GLYATL2: variants seen among roughly 807,000 people sequenced by gnomAD.
GLYATL2 encodes the protein glycine-N-acyltransferase like 2, also known as glycine N-acyltransferase-like protein 2.
Under a neutral mutation model 21.4 loss-of-function variants are expected in GLYATL2, and 25 were observed. The ratio of observed to expected loss-of-function variants is 1.17; its 90% CI spans 0.85 to 1.63. The LOEUF is 1.63. GLYATL2 is among the 40% of genes most tolerant of loss of function. The pLI is 0.00. For synonymous variants in GLYATL2, 114 were observed against 118.2 expected (o/e 0.96, Z 0.23); for missense variants, 361 against 343.3 (o/e 1.05, Z -0.41).
At chr11:58,903,376 T>C (rs1180217756) in intron 1 of GLYATL2, among the ~76,000 whole-genome samples, 2 of 152,172 alleles carry the variant, frequency 1.3e-5, no homozygotes, top group Non-Finnish European at 2.9e-5. Flanking sequence ...CCCTGTACTT[T>C]AATTATATTT....
chr11:58,851,730 TG>T, intron 1 of GLYATL2, among the ~76,000 whole-genome samples: 1 of 152,228 alleles, frequency 6.6e-6, no homozygotes, highest in Middle Eastern at 3.4e-3. Context: ...CAGAAATAGG[TG>T]GGTGACATGT....
intron 1 of GLYATL2, among the ~76,000 whole-genome samples, chr11:58,881,154 T>G (rs1854326465): frequency 6.6e-6 from 1 of 152,254 alleles, no homozygotes; most frequent in African/African-American, 2.4e-5. Context: ...TTGTTCTTAC[T>G]TCATGCCAGG....
upstream of GLYATL2, among the ~76,000 whole-genome samples, chr11:58,849,548 T>A (rs1590721474): frequency 1.3e-5 from 2 of 152,176 alleles, no homozygotes; most frequent in African/African-American, 4.8e-5. Flanking sequence ...ACTGAAGCTA[T>A]ACTAAAGTCT....
chr11:58,898,193 C>T (rs199715219), intron 1 of GLYATL2, among the ~76,000 whole-genome samples: 4 of 112,994 alleles, frequency 3.5e-5, no homozygotes, highest in African/African-American at 7.7e-5. Flanking sequence ...CCCAATAAGA[C>T]GACATCTTCC....
In GLYATL2 at chr11:58,834,768, A is replaced by G; in HGVS notation, c.546T>C (p.Phe182=). ...HAGLVNEHWA[F]GKNERSLKYI... ...ATTTCAAGCTCCTCTCATTTTTCCC[A>G]AAGGCCCAGTGTTCATTCACAAGAC... Residue 182 remains phenylalanine (F), a synonymous_variant, in exon 6 of 6, where the codon TTT becomes TTC. Transcript: ENST00000287275. 1 of 1,613,978 alleles carries G rather than the reference A, an allele frequency of 6.2e-7. No homozygotes were observed. Among genetic ancestry groups the G allele is most frequent in the Non-Finnish European group, 8.5e-7 (1 of 1,179,868 alleles).
intron 1 of GLYATL2, among the ~76,000 whole-genome samples, chr11:58,842,695 T>C (rs1233007424): frequency 1.3e-5 from 2 of 152,172 alleles, no homozygotes; most frequent in Non-Finnish European, 2.9e-5. Flanking sequence ...TCATGAAGTC[T>C]ATGATAATCA....
chr11:58,905,011 C>T (rs1001171278), upstream of GLYATL2, among the ~76,000 whole-genome samples: 2 of 152,246 alleles, frequency 1.3e-5, no homozygotes, highest in Admixed American at 6.5e-5. Context: ...TCTCAAGCCC[C>T]ATGCAAAGCA....
chr11:58,863,736 G>C (rs1007942395), intron 1 of GLYATL2, among the ~76,000 whole-genome samples: 2 of 152,068 alleles, frequency 1.3e-5, no homozygotes, highest in East Asian at 3.9e-4. Flanking sequence ...TTCAGGGCTG[G>C]CATGGAGACT....
intron 1 of GLYATL2, among the ~76,000 whole-genome samples, chr11:58,860,815 G>C (rs899179165): frequency 7.4e-4 from 112 of 152,052 alleles, no homozygotes; most frequent in African/African-American, 2.5e-3. Flanking sequence ...AGGAAATCAT[G>C]GTGAGCTTTA....
chr11:58,868,769 T>C (rs986424575), intron 1 of GLYATL2, among the ~76,000 whole-genome samples: 7 of 149,138 alleles, frequency 4.7e-5, no homozygotes, highest in African/African-American at 1.7e-4. Flanking sequence ...GCCTTAACCA[T>C]GTTCCTGATT....
intron 1 of GLYATL2, among the ~76,000 whole-genome samples, chr11:58,886,914 G>T (rs995580110): frequency 6.6e-6 from 1 of 152,208 alleles, no homozygotes; most frequent in Non-Finnish European, 1.5e-5. Flanking sequence ...GAACAAAGGG[G>T]TAAAGGGGAT....
intron 1 of GLYATL2, among the ~76,000 whole-genome samples, chr11:58,851,954 G>T (rs938524723): frequency 2.7e-4 from 41 of 152,296 alleles, no homozygotes; most frequent in African/African-American, 9.4e-4. Context: ...GGTAGAGTTT[G>T]CAGAATTTGG....
At chr11:58,908,547 G>T, upstream of GLYATL2, 1 of 207,556 alleles carries the variant, frequency 4.8e-6, no homozygotes. Context: ...AAGTTTCAAA[G>T]GCATATCTAC....
upstream of GLYATL2, among the ~76,000 whole-genome samples, chr11:58,846,652 C>T (rs1240548791): frequency 3.9e-5 from 6 of 152,152 alleles, no homozygotes; most frequent in African/African-American, 1.4e-4. Flanking sequence ...CAGTCCTAAC[C>T]CGAGGGGAAT....
chr11:58,880,951 A>T (rs1854321874), intron 1 of GLYATL2, among the ~76,000 whole-genome samples: 1 of 152,236 alleles, frequency 6.6e-6, no homozygotes, highest in African/African-American at 2.4e-5. Context: ...AATTTCAAAC[A>T]TCTGTATTAA....
At chr11:58,838,237 A>G in intron 3 of GLYATL2, 24 bp downstream of exon 3, 1 of 1,465,934 alleles carries the variant, frequency 6.8e-7, no homozygotes, top group Non-Finnish European at 9.6e-7. Context: ...GACTACCCTC[A>G]TATTCAGTAA....
At chr11:58,864,930 G>A (rs572904521) in intron 1 of GLYATL2, among the ~76,000 whole-genome samples, 24 of 148,958 alleles carry the variant, frequency 1.6e-4, no homozygotes, top group African/African-American at 5.8e-4. Flanking sequence ...AACGATGGCA[G>A]ATCTTATGTT....
chr11:58,886,297 G>A (rs72915114), intron 1 of GLYATL2, among the ~76,000 whole-genome samples: 6 of 152,318 alleles, frequency 3.9e-5, no homozygotes, highest in Admixed American at 6.5e-5. Context: ...ATGGAAGCAC[G>A]TCTTTTGTTA....
rs1565110695 is a variant in GLYATL2, at chr11:58,898,060, T to A, written n.60+6096A>T. ...GTTCTCTTATTAACTTAATTATCCA[T>A]AATATTCCCTTAGTAATTTTTATTC... On this transcript the variant is annotated intron_variant and non_coding_transcript_variant, in intron 1 of 4. Transcript: ENST00000533636. Among the ~76,000 whole-genome samples the A allele has an allele frequency of 2.6e-5, 4 of 152,360 alleles. No individual in the cohort carries two copies. The East Asian group carries it at 7.7e-4, about 29-fold the overall frequency.
Sources: gnomAD v4.1 joint callset for allele counts (sites outside exome capture counted in the v4.1 genomes callset) on GRCh38, gnomAD v4.1.1 for gene constraint, MANE v1.5 for transcripts, NCBI Gene and HGNC (gene_info 2026-07-23, HGNC 2026-07-21) for gene names.